The following ABI3BP variants were observed in gnomAD, a reference collection of about 807,000 sequenced individuals.
The protein encoded by ABI3BP is target of Nesh-SH3.
ABI3BP carries 216 observed loss-of-function variants against 268.6 expected under a neutral mutation model. The observed-to-expected ratio is 0.80, with a 90% CI of 0.72 to 0.90. ABI3BP has a LOEUF of 0.90. Ranked by LOEUF, ABI3BP falls within the 40% of genes least tolerant of loss-of-function variation. The pLI, the probability that ABI3BP is intolerant of heterozygous loss-of-function variation, is 0.00. For missense variants in ABI3BP, 2,090 were observed against 2,182.4 expected (o/e 0.96, Z 0.84); for synonymous variants, 730 against 730.0 (o/e 1.00, Z 0.00).
At chr3:100,850,613 T>C in intron 16 of ABI3BP, 47 bp downstream of exon 16, 1 of 1,428,680 alleles carries the variant, frequency 7.0e-7, no homozygotes, top group Non-Finnish European at 9.8e-7. Flanking sequence ...ACATGATTTT[T>C]TTTTTTGATG....
At chr3:100,880,957 C>T (rs1238862359) in intron 6 of ABI3BP, among the ~76,000 whole-genome samples, 3 of 151,830 alleles carry the variant, frequency 2.0e-5, no homozygotes, top group Non-Finnish European at 2.9e-5. Flanking sequence ...AAAACAGTGG[C>T]TCAAAGTCAA....
chr3:100,872,081 C>T (rs9833094), intron 9 of ABI3BP, among the ~76,000 whole-genome samples: 51,239 of 151,998 alleles, frequency 0.34, 8,895 homozygotes, highest in Admixed American at 0.4. Flanking sequence ...TAGTCTCAAA[C>T]GATTCCCTGG....
chr3:100,836,049 TGAG>T (rs984986031), intron 27 of ABI3BP, among the ~76,000 whole-genome samples: 5 of 152,156 alleles, frequency 3.3e-5, no homozygotes, highest in Non-Finnish European at 7.4e-5. Context: ...GTGGTAGTTG[TGAG>T]GAGAATTAGA....
At chr3:100,853,484 C>G (rs2098891420) in intron 14 of ABI3BP, among the ~76,000 whole-genome samples, 1 of 152,192 alleles carries the variant, frequency 6.6e-6, no homozygotes, top group Non-Finnish European at 1.5e-5. Context: ...TGTATTTAAT[C>G]CTCTCACACT....
chr3:100,894,674 T>C (rs1484320520), intron 4 of ABI3BP, among the ~76,000 whole-genome samples: 1 of 151,860 alleles, frequency 6.6e-6, no homozygotes, highest in African/African-American at 2.4e-5. Flanking sequence ...GCGCGGTGGC[T>C]CACGCCTGTA....
intron 2 of ABI3BP, among the ~76,000 whole-genome samples, chr3:100,909,036 C>T (rs1409287590): frequency 6.6e-6 from 1 of 152,182 alleles, no homozygotes; most frequent in African/African-American, 2.4e-5. Context: ...ACCAAAACAG[C>T]ATGGTACTGG....
intron 4 of ABI3BP, among the ~76,000 whole-genome samples, chr3:100,893,746 T>C (rs950589835): frequency 1.3e-5 from 2 of 152,130 alleles, no homozygotes; most frequent in African/African-American, 4.8e-5. Context: ...GAAGGCTTTG[T>C]TTTCAGGGAG....
At chr3:100,950,783 T>A (rs1377101141) in intron 1 of ABI3BP, among the ~76,000 whole-genome samples, 1 of 151,928 alleles carries the variant, frequency 6.6e-6, no homozygotes, top group Non-Finnish European at 1.5e-5. Flanking sequence ...GGAGAGTTAT[T>A]TCTAAGGGCT....
chr3:100,852,572 G>C (rs548946165), intron 14 of ABI3BP, among the ~76,000 whole-genome samples: 28 of 152,248 alleles, frequency 1.8e-4, no homozygotes, highest in African/African-American at 5.8e-4. Flanking sequence ...TCTGCCAGTG[G>C]TCACACACTG....
intron 27 of ABI3BP, among the ~76,000 whole-genome samples, 198 bp from the exon 28 acceptor site, chr3:100,835,858 A>G (rs1403881260): frequency 6.6e-6 from 1 of 152,142 alleles, no homozygotes; most frequent in Non-Finnish European, 1.5e-5. Context: ...TTGCATCCCT[A>G]TAAGGGCAAT....
At chr3:100,836,327 A>G (rs2098589467) in intron 27 of ABI3BP, among the ~76,000 whole-genome samples, 1 of 152,188 alleles carries the variant, frequency 6.6e-6, no homozygotes, top group Non-Finnish European at 1.5e-5. Context: ...AAATTAATCA[A>G]GAATTGTAAC....
intron 1 of ABI3BP, among the ~76,000 whole-genome samples, chr3:100,944,528 T>G (rs1212417816): frequency 6.6e-6 from 1 of 152,120 alleles, no homozygotes; most frequent in Non-Finnish European, 1.5e-5. Context: ...AGGGAGCAAA[T>G]TGAAAATACT....
intron 57 of ABI3BP, among the ~76,000 whole-genome samples, chr3:100,786,986 G>GAT (rs771643309): frequency 5.3e-5 from 8 of 152,080 alleles, no homozygotes; most frequent in African/African-American, 1.9e-4. Context: ...GGGTTCATCA[G>GAT]ATATATATAC....
At chr3:100,945,801 G>A in intron 1 of ABI3BP, 2 of 248,370 alleles carry the variant, frequency 8.1e-6, no homozygotes, top group East Asian at 2.4e-4. Context: ...ACAAGTCTTT[G>A]TGTGAACATA....
chr3:100,768,083 G>GTTTTTTTT (rs11371725), intron 62 of ABI3BP, among the ~76,000 whole-genome samples: 8 of 108,720 alleles, frequency 7.4e-5, no homozygotes, highest in East Asian at 2.5e-4. Flanking sequence ...TTTGGCTCAA[G>GTTTTTTTT]TTTTTTTTTT....
At chr3:100,834,915 T>C (rs2098551957) in intron 28 of ABI3BP, 142 bp from the exon 29 acceptor site, 1 of 679,034 alleles carries the variant, frequency 1.5e-6, no homozygotes, top group Non-Finnish European at 2.4e-6. Context: ...TGATCATCTA[T>C]ATGCAAAAAT....
chr3:100,777,609 GAGA>G (rs1560003634), intron 59 of ABI3BP, among the ~76,000 whole-genome samples: 1 of 152,212 alleles, frequency 6.6e-6, no homozygotes, highest in African/African-American at 2.4e-5. Context: ...GACAAGAACA[GAGA>G]AGCAGTGCCA....
Position 100,866,946 on chromosome 3 carries a change from T to A in ABI3BP, c.921A>T (p.Glu307Asp), listed in dbSNP as rs75352479. The change falls in exon 10 of 68, where the codon GAA (glutamate) becomes GAT (aspartate). Residue 307 changes from glutamate to aspartate, a missense_variant. Coordinates refer to ENST00000471714, the MANE Select transcript of ABI3BP (RefSeq NM_001375547.2). ...TAGATTCGGCAGGTAATGCCAAGGT[T>A]TCATTCTTAGCTAAAAAGTCAGAGA... ...DALKTQLAKNETLALPAESKT... is the reference protein window; with the variant it reads ...DALKTQLAKNDTLALPAESKT... 2.2e-3 allele frequency: 3,485 copies of A among 1,613,796 alleles called. 55 individuals carry two copies. The African/African-American group carries it at 0.038, about 18-fold the overall frequency.
At chr3:100,890,203 T>C (rs903904425) in intron 4 of ABI3BP, among the ~76,000 whole-genome samples, 4 of 152,204 alleles carry the variant, frequency 2.6e-5, no homozygotes, top group Non-Finnish European at 5.9e-5. Flanking sequence ...CTTTTATTTC[T>C]ATGTGATTAA....
Sources: allele counts gnomAD v4.1 joint callset (sites outside exome capture counted in the v4.1 genomes callset), GRCh38; gene constraint gnomAD v4.1.1; transcripts MANE v1.5; gene names NCBI Gene and HGNC (gene_info 2026-07-23, HGNC 2026-07-21).